Variants in CCDC93 observed in about 807,000 individuals in gnomAD.
The protein encoded by CCDC93 is CCC complex scaffolding subunit CCDC93, also known as coiled-coil domain-containing protein 93.
In CCDC93, 61 loss-of-function variants were observed where a neutral mutation model predicts 108.2. That is an observed-to-expected ratio of 0.56 (90% CI 0.46 to 0.70). CCDC93 has a LOEUF of 0.70. Among genes scored for constraint, CCDC93 ranks in the 30% least tolerant of loss-of-function variants. The pLI is 0.00. For missense variants in CCDC93, 685 were observed against 764.2 expected (o/e 0.90, Z 1.22); for synonymous variants, 276 against 260.4 (o/e 1.06, Z -0.58).
At chr2:117,951,414 A>C (rs1679053048) in intron 13 of CCDC93, 1 of 985,398 alleles carries the variant, frequency 1.0e-6, no homozygotes, top group African/African-American at 1.7e-5. Flanking sequence ...TGAAGAGGTT[A>C]GTCCAGACCA....
At chr2:117,958,670 A>G (rs1322803296) in intron 11 of CCDC93, among the ~76,000 whole-genome samples, 189 bp from the exon 12 acceptor site, 1 of 152,200 alleles carries the variant, frequency 6.6e-6, no homozygotes, top group Non-Finnish European at 1.5e-5. Context: ...AATCCCTATC[A>G]ACAGAACCTG....
chr2:117,948,976 A>G (rs1312935780), intron 14 of CCDC93, among the ~76,000 whole-genome samples: 3 of 152,194 alleles, frequency 2.0e-5, no homozygotes, highest in Non-Finnish European at 2.9e-5. Context: ...ACTCTAGGGA[A>G]GAGAATTGGG....
chr2:117,937,676 A>C (rs1432338910), intron 20 of CCDC93, among the ~76,000 whole-genome samples: 1 of 152,204 alleles, frequency 6.6e-6, no homozygotes, highest in Non-Finnish European at 1.5e-5. Context: ...GTCTTTGGGA[A>C]GGGGCTGGCC....
intron 11 of CCDC93, among the ~76,000 whole-genome samples, chr2:117,967,621 C>T (rs756528061): frequency 2.0e-5 from 3 of 152,180 alleles, no homozygotes; most frequent in Non-Finnish European, 4.4e-5. Context: ...GAAGCTCCAC[C>T]TAGCCAAGGA....
At chr2:117,936,996 G>A (rs1289655485) in intron 20 of CCDC93, 8 of 493,686 alleles carry the variant, frequency 1.6e-5, no homozygotes, top group Admixed American at 1.3e-4. Flanking sequence ...TAGGGAGAAG[G>A]TGCTTTGAAG....
intron 6 of CCDC93, among the ~76,000 whole-genome samples, chr2:117,989,071 C>A (rs1680401899): frequency 6.6e-6 from 1 of 152,224 alleles, no homozygotes; most frequent in African/African-American, 2.4e-5. Flanking sequence ...TTGACCAGCA[C>A]AAACTCAAAT....
chr2:117,957,942 A>G (rs1022457882), intron 12 of CCDC93, among the ~76,000 whole-genome samples: 1 of 151,426 alleles, frequency 6.6e-6, no homozygotes, highest in Admixed American at 6.6e-5. Flanking sequence ...TTAGAAGTTA[A>G]GATCCTTGAC....
chr2:117,926,411 A>G (rs555636509), intron 23 of CCDC93, among the ~76,000 whole-genome samples: 2 of 152,332 alleles, frequency 1.3e-5, no homozygotes, highest in Admixed American at 6.5e-5. Flanking sequence ...AATCAAATAG[A>G]CGCAATAAAA....
intron 5 of CCDC93, 68 bp from the exon 6 acceptor site, chr2:117,995,570 A>AT: frequency 8.8e-7 from 1 of 1,141,206 alleles, no homozygotes; most frequent in Non-Finnish European, 1.2e-6. Context: ...GACCACTCAG[A>AT]TATGTCTTAT....
intron 12 of CCDC93, among the ~76,000 whole-genome samples, chr2:117,953,607 G>A (rs1465597483): frequency 6.6e-6 from 1 of 151,790 alleles, no homozygotes; most frequent in African/African-American, 2.4e-5. Flanking sequence ...CAATATGACA[G>A]TTTCAAGAGG....
At chr2:117,929,179 G>A (rs1022745471) in intron 23 of CCDC93, among the ~76,000 whole-genome samples, 2 of 152,182 alleles carry the variant, frequency 1.3e-5, no homozygotes, top group East Asian at 3.9e-4. Context: ...GTTAATGGGT[G>A]CAGCACACCA....
intron 4 of CCDC93, chr2:117,996,653 C>T: frequency 4.2e-6 from 1 of 237,528 alleles, no homozygotes; most frequent in Non-Finnish European, 8.3e-6. Context: ...GTTCCCTTCA[C>T]CTCACAGAGC....
intron 23 of CCDC93, among the ~76,000 whole-genome samples, chr2:117,926,811 AACCAAAAAAGAGAATTTTAG>A (rs1158598834): frequency 6.6e-6 from 1 of 150,598 alleles, no homozygotes; most frequent in Non-Finnish European, 1.5e-5. Flanking sequence ...GCAGAGACAC[AACCAAAAAAGAGAATTTTAG>A]ACCAATATCC....
intron 1 of CCDC93, chr2:118,008,889 G>T: frequency 2.0e-6 from 1 of 498,384 alleles, no homozygotes; most frequent in East Asian, 3.5e-5. Flanking sequence ...TCATAGCTGA[G>T]GGAGACACAT....
intron 11 of CCDC93, among the ~76,000 whole-genome samples, chr2:117,961,024 G>C (rs770344533): frequency 1.3e-5 from 2 of 152,148 alleles, no homozygotes; most frequent in African/African-American, 2.4e-5. Context: ...ACTGGGTCCT[G>C]AAAGTATTAT....
intron 18 of CCDC93, among the ~76,000 whole-genome samples, chr2:117,942,304 A>T (rs575073465): frequency 1.8e-4 from 26 of 146,590 alleles, no homozygotes; most frequent in African/African-American, 6.8e-4. Context: ...TCATGTCCTC[A>T]CTCCTTAAAA....
intron 11 of CCDC93, among the ~76,000 whole-genome samples, chr2:117,971,777 T>C (rs978433427): frequency 6.6e-6 from 1 of 152,176 alleles, no homozygotes; most frequent in African/African-American, 2.4e-5. Flanking sequence ...ATTACAACTA[T>C]ACACAACTAT....
At chr2:117,972,647 A>T (rs1679802679) in intron 11 of CCDC93, among the ~76,000 whole-genome samples, 1 of 151,000 alleles carries the variant, frequency 6.6e-6, no homozygotes. Context: ...CAGCAATGCT[A>T]TGTGGCAACA....
intron 13 of CCDC93, chr2:117,951,138 T>C: frequency 1.0e-6 from 1 of 984,170 alleles, no homozygotes; most frequent in Middle Eastern, 5.2e-4. Flanking sequence ...CAAGATATTT[T>C]GCCTTTAATC....
Sources: gnomAD v4.1 joint callset for allele counts (sites outside exome capture counted in the v4.1 genomes callset) on GRCh38, gnomAD v4.1.1 for gene constraint, MANE v1.5 for transcripts, NCBI Gene and HGNC (gene_info 2026-07-23, HGNC 2026-07-21) for gene names.